SAMD12: variants seen among roughly 807,000 people sequenced by gnomAD.
SAMD12 encodes sterile alpha motif domain-containing protein 12.
SAMD12 carries 9 observed loss-of-function variants against 15.0 expected under a neutral mutation model. The ratio of observed to expected loss-of-function variants is 0.60; its 90% CI spans 0.36 to 1.05. SAMD12 has a LOEUF of 1.05. Among genes scored for constraint, SAMD12 ranks in the 50% least tolerant of loss-of-function variants. The pLI is 0.01. For missense variants in SAMD12, 230 were observed against 234.2 expected (o/e 0.98, Z 0.12); for synonymous variants, 86 against 90.1 (o/e 0.96, Z 0.25).
intron 4 of SAMD12, among the ~76,000 whole-genome samples, chr8:118,247,625 C>A (rs979375654): frequency 3.9e-5 from 6 of 151,920 alleles, no homozygotes; most frequent in African/African-American, 1.5e-4. Flanking sequence ...TGGAGTCTCA[C>A]TCTGTAGCCC....
At chr8:118,260,717 C>T (rs899121633) in intron 4 of SAMD12, among the ~76,000 whole-genome samples, 9 of 152,100 alleles carry the variant, frequency 5.9e-5, no homozygotes, top group African/African-American at 1.9e-4. Flanking sequence ...CTTTAGCCAC[C>T]TCCTTGGCAG....
chr8:118,575,615 C>G (rs1021157524), intron 2 of SAMD12, among the ~76,000 whole-genome samples: 1 of 152,018 alleles, frequency 6.6e-6, no homozygotes, highest in African/African-American at 2.4e-5. Flanking sequence ...AATGGGGATA[C>G]ATTTTTATAA....
At chr8:118,477,743 G>A (rs928583576) in intron 2 of SAMD12, among the ~76,000 whole-genome samples, 4 of 151,988 alleles carry the variant, frequency 2.6e-5, no homozygotes, top group African/African-American at 9.7e-5. Flanking sequence ...GGCCGGGCGC[G>A]GTGGCTCACG....
intron 2 of SAMD12, among the ~76,000 whole-genome samples, chr8:118,468,770 G>A (rs1823670660): frequency 6.6e-6 from 1 of 152,034 alleles, no homozygotes; most frequent in Non-Finnish European, 1.5e-5. Flanking sequence ...ACAACTTTTG[G>A]TAGTTTATCC....
At chr8:118,156,994 A>T in the SAMD12 span, among the ~76,000 whole-genome samples, 1 of 152,180 alleles carries the variant, frequency 6.6e-6, no homozygotes, top group African/African-American at 2.4e-5. Context: ...CAGAGGAAAA[A>T]CACAGGCAAT....
At chr8:118,463,832 G>A (rs1157308520) in intron 2 of SAMD12, among the ~76,000 whole-genome samples, 1 of 152,130 alleles carries the variant, frequency 6.6e-6, no homozygotes, top group East Asian at 1.9e-4. Context: ...GGGGCAGGCA[G>A]GTCATCATAC....
At chr8:118,226,184 T>G (rs553381512) in intron 4 of SAMD12, among the ~76,000 whole-genome samples, 1 of 152,134 alleles carries the variant, frequency 6.6e-6, no homozygotes. Context: ...ATTTAACACA[T>G]GAGGACACTG....
intron 4 of SAMD12, among the ~76,000 whole-genome samples, chr8:118,202,641 C>A (rs1276653229): frequency 2.0e-5 from 3 of 152,154 alleles, no homozygotes; most frequent in Admixed American, 2.0e-4. Context: ...GATATTATAT[C>A]CAGGCAGCCC....
intron 2 of SAMD12, among the ~76,000 whole-genome samples, chr8:118,563,683 A>G (rs1229453259): frequency 6.6e-6 from 1 of 152,360 alleles, no homozygotes; most frequent in African/African-American, 2.4e-5. Flanking sequence ...TTCTACTTGC[A>G]TCTCTATAAT....
chr8:118,604,940 A>T (rs1350405469), intron 1 of SAMD12, among the ~76,000 whole-genome samples: 1 of 152,214 alleles, frequency 6.6e-6, no homozygotes, highest in East Asian at 1.9e-4. Context: ...AAAAAAAATA[A>T]AAATAAATAA....
chr8:118,188,955 C>T (rs1233151640), downstream of SAMD12, among the ~76,000 whole-genome samples: 1 of 152,064 alleles, frequency 6.6e-6, no homozygotes, highest in Non-Finnish European at 1.5e-5. Flanking sequence ...TGATAAAATA[C>T]AGATAGCTTA....
chr8:118,191,760 A>ATT (rs1261698019), exon 5 of SAMD12: 1,641 of 8,348 alleles, frequency 0.2, 348 homozygotes, highest in Non-Finnish European at 0.24. Context: ...TGGAGATTAT[A>ATT]TATATATATA....
intron 2 of SAMD12, among the ~76,000 whole-genome samples, chr8:118,558,749 G>A (rs961338124): frequency 6.6e-6 from 1 of 151,788 alleles, no homozygotes; most frequent in South Asian, 2.1e-4. Context: ...TAGTAGAGAC[G>A]GGTTTCACTG....
intron 4 of SAMD12, among the ~76,000 whole-genome samples, chr8:118,306,189 G>A (rs916351794): frequency 6.6e-6 from 1 of 152,138 alleles, no homozygotes; most frequent in South Asian, 2.1e-4. Flanking sequence ...AAAAACACTT[G>A]GAGTGGCATC....
At chr8:118,251,467 G>A (rs569306504) in intron 4 of SAMD12, among the ~76,000 whole-genome samples, 8 of 152,064 alleles carry the variant, frequency 5.3e-5, no homozygotes, top group Admixed American at 3.9e-4. Flanking sequence ...TTTCCAGTCC[G>A]TCTAGTGTTC....
At chr8:118,610,996 T>G (rs565540383) in intron 1 of SAMD12, among the ~76,000 whole-genome samples, 5 of 152,158 alleles carry the variant, frequency 3.3e-5, no homozygotes, top group Admixed American at 6.5e-5. Flanking sequence ...CTGAAAAGAT[T>G]ACCCTAGGGT....
At chr8:118,516,701 C>T (rs1340001151) in intron 2 of SAMD12, among the ~76,000 whole-genome samples, 2 of 148,518 alleles carry the variant, frequency 1.3e-5, no homozygotes, top group East Asian at 2.0e-4. Context: ...TGCAGTGGTG[C>T]GATCTTGGCT....
At chr8:118,570,892 C>CA (rs1460957723) in intron 2 of SAMD12, among the ~76,000 whole-genome samples, 1 of 152,046 alleles carries the variant, frequency 6.6e-6, no homozygotes, top group Non-Finnish European at 1.5e-5. Flanking sequence ...CTGTTGGTTT[C>CA]AAAAAGAGGA....
In SAMD12 at chr8:118,412,285, C is replaced by A. The variant is rs572783470; in HGVS notation, c.322+27547G>T. On this transcript the variant is annotated intron_variant, in intron 3 of 3. Coordinates refer to ENST00000314727, the MANE Select transcript of SAMD12 (RefSeq NM_207506.3). ...GATATTCAGATTGAGAGGAACTATA[C>A]CTAAGGAATGGCATCTTATTGGAAA... Among the ~76,000 whole-genome samples the A allele has an allele frequency of 2.0e-5, 3 of 152,112 alleles. No individual in the cohort carries two copies. In the South Asian group the frequency reaches 6.2e-4, roughly 32 times the overall value.
Sources: gnomAD v4.1 joint callset for allele counts (sites outside exome capture counted in the v4.1 genomes callset) on GRCh38, gnomAD v4.1.1 for gene constraint, MANE v1.5 for transcripts, NCBI Gene and HGNC (gene_info 2026-07-23, HGNC 2026-07-21) for gene names.